Variants in MASP1 observed in about 807,000 individuals in gnomAD.
MASP1 encodes the protein mannan-binding lectin serine protease 1.
Under a neutral mutation model 77.1 loss-of-function variants are expected in MASP1, and 59 were observed. The ratio of observed to expected loss-of-function variants is 0.77; its 90% confidence interval spans 0.62 to 0.95. The LOEUF (loss-of-function observed/expected upper bound fraction) is 0.95, where lower values mean the gene tolerates loss of function less well. MASP1 is among the 40% of genes least tolerant of loss of function. MASP1 has a pLI of 0.00. For missense variants in MASP1, 885 were observed against 912.9 expected (o/e 0.97, Z 0.39); for synonymous variants, 362 against 354.5 (o/e 1.02, Z -0.24).
At chr3:187,237,198 G>A (rs915992326) in intron 10 of MASP1, among the ~76,000 whole-genome samples, 1 of 152,122 alleles carries the variant, frequency 6.6e-6, no homozygotes, top group Admixed American at 6.5e-5. Flanking sequence ...TGATCTCCAG[G>A]GATCCTTCAA....
At chr3:187,236,638 A>G (rs1713216841) in intron 10 of MASP1, 71 bp from the exon 11 acceptor site, 1 of 1,612,090 alleles carries the variant, frequency 6.2e-7, no homozygotes. Flanking sequence ...CAGGAGCCAC[A>G]AAGATAAATT....
chr3:187,223,100 G>C, intron 14 of MASP1: 1 of 1,595,366 alleles, frequency 6.3e-7, no homozygotes, highest in Non-Finnish European at 8.6e-7. Context: ...AGGTGTCACT[G>C]TCTGTAGGTT....
Position 187,262,705 on chromosome 3 carries a change from G to A in MASP1, c.253C>T (p.Gln85Ter). 6.2e-7 allele frequency: 1 copy of A among 1,614,036 alleles called. No individual in the cohort carries two copies. The highest frequency in any genetic ancestry group is 1.1e-5 in the South Asian group (1 of 91,074). The change falls in exon 3 of 11, where the codon CAG becomes TAG. Residue 85 changes from glutamine (Q) to a stop codon, truncating the protein, a stop_gained. Coordinates refer to ENST00000296280, the MANE Select transcript of MASP1 (RefSeq NM_139125.4). LOFTEE classifies it high-confidence loss of function. Reference sequence around the variant, plus strand: ...CTGCCACAGAAGGTTGCCAGCACCTGGTCCTCAGTTTCTACCTTTGAGGTC... The same window carrying A: ...CTGCCACAGAAGGTTGCCAGCACCTAGTCCTCAGTTTCTACCTTTGAGGTC... Reference protein sequence around the residue: ...YDYVKVETEDQVLATFCGRET... With the variant: ...YDYVKVETED
chr3:187,236,401 G>A lies in MASP1; in HGVS notation c.1470C>T (p.Ser490=). The A allele has an allele frequency of 6.2e-7, 1 of 1,614,232 alleles. No homozygotes were observed. The highest frequency in any genetic ancestry group is 8.5e-7 in the Non-Finnish European group (1 of 1,180,042). Residue 490 remains serine, a synonymous_variant, in exon 11 of 11, where the codon TCC becomes TCT. Coordinates refer to ENST00000296280, the MANE Select transcript of MASP1 (RefSeq NM_139125.4). ...GCACATGAGCTGCTGTGAGGATCCAGGACGCAGAGAGCAGGGCCCCACTCC... is the reference window on the plus strand; with the variant it reads ...GCACATGAGCTGCTGTGAGGATCCAAGACGCAGAGAGCAGGGCCCCACTCC... The part of the protein sequence containing the change: ...WFGSGALLSA[S]WILTAAHVLR...
rs1318517394 is a variant in MASP1 at position 187,285,966 on chromosome 3, C to T, written c.96G>A (p.Gln32=). The change falls in exon 2 of 11, where the codon CAG becomes CAA. Residue 32 remains glutamine (Q), a synonymous_variant. Coordinates refer to ENST00000296280, the MANE Select transcript of MASP1 (RefSeq NM_139125.4). ...GATAGGAGTCTGGATAACCAGGCGA[C>T]TGGATCTGGCCAAACATATTGTTTA... is the stretch of plus-strand genomic sequence containing the variant. The part of the protein sequence containing the change: ...VELNNMFGQI[Q]SPGYPDSYPS... 4 of 1,614,128 alleles carry T rather than the reference C, an allele frequency of 2.5e-6. No homozygotes were observed. The highest frequency in any genetic ancestry group is 3.4e-6 in the Non-Finnish European group (4 of 1,180,048).
At chr3:187,231,969 G>T (rs991145415), downstream of MASP1, among the ~76,000 whole-genome samples, 8 of 152,222 alleles carry the variant, frequency 5.3e-5, no homozygotes, top group Non-Finnish European at 1.2e-4. Context: ...GAAGGAGGGA[G>T]TACAGAGAGA....
chr3:187,229,746 C>T (rs369124198), downstream of MASP1: 18 of 1,613,764 alleles, frequency 1.1e-5, no homozygotes, highest in African/African-American at 2.1e-4. Flanking sequence ...CCACCCCTTC[C>T]ACCTTCTCCC....
Position 187,235,977 on chromosome 3 carries a change from T to A in MASP1, c.1894A>T (p.Thr632Ser), listed in dbSNP as rs747162864. The A allele has an allele frequency of 6.2e-7, 1 of 1,614,220 alleles. No homozygotes were observed. The highest frequency in any genetic ancestry group is 1.7e-5 in the Admixed American group (1 of 60,026). The change falls in exon 11 of 11, where the codon ACT becomes TCT. Residue 632 changes from threonine to serine, a missense_variant. Thr to Ser is a moderately conservative substitution (Grantham distance 58). Transcript: ENST00000296280. The part of the protein sequence containing the change: ...LPVVPHAECK[T>S]SYESRSGNYS... Reference sequence around the variant, plus strand: ...TTGCCCGAGCGGGACTCATAGCTAGTTTTGCACTCAGCGTGAGGCACCACG... The same window carrying A: ...TTGCCCGAGCGGGACTCATAGCTAGATTTGCACTCAGCGTGAGGCACCACG...
At chr3:187,261,869 A>T (rs564810963) in intron 3 of MASP1, among the ~76,000 whole-genome samples, 13 of 152,234 alleles carry the variant, frequency 8.5e-5, no homozygotes, top group Admixed American at 5.2e-4. Context: ...GTATATTCAT[A>T]CAATGGAAAA....
chr3:187,227,573 A>C (rs2108504719), intron 11 of MASP1, among the ~76,000 whole-genome samples: 1 of 152,320 alleles, frequency 6.6e-6, no homozygotes, highest in African/African-American at 2.4e-5. Flanking sequence ...GGTCGAGGGC[A>C]GAAGTGCTTA....
intron 2 of MASP1, among the ~76,000 whole-genome samples, chr3:187,265,481 C>G (rs1018468267): frequency 4.6e-5 from 7 of 152,194 alleles, no homozygotes; most frequent in Non-Finnish European, 1.0e-4. Flanking sequence ...GAACAGGAAG[C>G]ATGCCCCAGC....
intron 5 of MASP1, among the ~76,000 whole-genome samples, chr3:187,254,994 T>C (rs554709401): frequency 6.6e-6 from 1 of 152,178 alleles, no homozygotes; most frequent in Non-Finnish European, 1.5e-5. Flanking sequence ...TGGGACACCA[T>C]GGCAGGCAGA....
Position 187,235,954 on chromosome 3 carries a change from G to A in MASP1, c.1917C>T (p.Gly639=), listed in dbSNP as rs1365727601. Residue 639 remains glycine, a synonymous_variant, in exon 11 of 11, where the codon GGC becomes GGT. Coordinates refer to ENST00000296280, the MANE Select transcript of MASP1 (RefSeq NM_139125.4). ...ECKTSYESRS[G]NYSVTENMFC... ...ACATGTTCTCCGTGACGCTGTAATT[G>A]CCCGAGCGGGACTCATAGCTAGTTT... 6.2e-7 allele frequency: 1 copy of A among 1,614,244 alleles called. No individual in the cohort carries two copies. The highest frequency in any genetic ancestry group is 8.5e-7 in the Non-Finnish European group (1 of 1,180,038).
intron 4 of MASP1, 124 bp from the exon 5 acceptor site, chr3:187,256,984 C>T: frequency 1.2e-6 from 1 of 806,418 alleles, no homozygotes; most frequent in Non-Finnish European, 2.1e-6. Context: ...ATCGGCATCT[C>T]CATTTTACAG....
intron 10 of MASP1, among the ~76,000 whole-genome samples, chr3:187,240,548 G>A (rs918250316): frequency 7.2e-5 from 11 of 152,054 alleles, no homozygotes; most frequent in African/African-American, 1.2e-4. Context: ...TTGTTTAACC[G>A]TAGAGTGTGC....
chr3:187,254,543 TG>T (rs1714906796), intron 5 of MASP1, among the ~76,000 whole-genome samples: 1 of 152,126 alleles, frequency 6.6e-6, no homozygotes, highest in South Asian at 2.1e-4. Context: ...AACGCCACTT[TG>T]TGTTGAGAGA....
intron 2 of MASP1, among the ~76,000 whole-genome samples, chr3:187,283,751 T>C (rs553140629): frequency 3.2e-4 from 49 of 152,234 alleles, no homozygotes; most frequent in Non-Finnish European, 3.5e-4. Flanking sequence ...ATGGAACTTA[T>C]TGTCATATTA....
rs756129126 is a variant in MASP1 at position 187,234,975 on chromosome 3, C to T, written c.*709G>A. On this transcript the variant is annotated 3_prime_UTR_variant, in exon 11 of 11. Coordinates refer to ENST00000296280, the MANE Select transcript of MASP1 (RefSeq NM_139125.4). ...GGGAATTTAAGGGCTTGGTGGGCCT[C>T]CCACGGCTATTCTGCTCCCAGCAGT... 2 of 1,287,236 alleles carry T rather than the reference C, an allele frequency of 1.6e-6. No homozygotes were observed. Among genetic ancestry groups the T allele is most frequent in the East Asian group, 5.6e-5 (1 of 18,016 alleles). 79.7% of individuals were successfully genotyped at this position (1,287,236 alleles called of 1,614,324 possible).
In MASP1 at chr3:187,253,335, G is replaced by C; in HGVS notation, c.745-20C>G. The C allele has an allele frequency of 6.2e-7, 1 of 1,613,786 alleles. No homozygotes were observed. The highest frequency in any genetic ancestry group is 8.5e-7 in the Non-Finnish European group (1 of 1,179,790). On this transcript the variant is annotated intron_variant, in intron 5 of 10. Transcript: ENST00000296280. ...TTTGATCTGCAAAATATGAGAGAGA[G>C]AGAGAGAAATAGAGTGTTCCATCTG... is the stretch of plus-strand genomic sequence containing the variant.
Sources: gnomAD v4.1 joint callset for allele counts (sites outside exome capture counted in the v4.1 genomes callset) on GRCh38, gnomAD v4.1.1 for gene constraint, MANE v1.5 for transcripts, NCBI Gene and HGNC (gene_info 2026-07-23, HGNC 2026-07-21) for gene names.